GALNT13: variants seen among roughly 807,000 people sequenced by gnomAD.
GALNT13 encodes the protein UDP-GalNAc:polypeptide N-acetylgalactosaminyltransferase 13.
A neutral mutation model predicts 64.2 loss-of-function variants in GALNT13; 28 were observed. That is an observed-to-expected ratio of 0.44 (90% CI 0.32 to 0.60). The LOEUF (loss-of-function observed/expected upper bound fraction) is 0.60. Ranked by LOEUF, GALNT13 falls within the 20% of genes least tolerant of loss-of-function variation. The probability of loss-of-function intolerance (pLI) is 0.05; values close to 1 mark genes in which losing one functional copy is unlikely to be tolerated. For synonymous variants in GALNT13, 214 were observed against 224.6 expected (o/e 0.95, Z 0.42); for missense variants, 577 against 669.8 (o/e 0.86, Z 1.53).
At chr2:153,404,875 G>T in the GALNT13 span, among the ~76,000 whole-genome samples, 2 of 152,058 alleles carry the variant, frequency 1.3e-5, no homozygotes, top group African/African-American at 4.8e-5. Flanking sequence ...AAAATGAAAT[G>T]AAATATTTTA....
At chr2:154,338,484 G>A (rs1474314892) in intron 9 of GALNT13, among the ~76,000 whole-genome samples, 1 of 152,074 alleles carries the variant, frequency 6.6e-6, no homozygotes, top group Non-Finnish European at 1.5e-5. Context: ...GGCAGACATG[G>A]AAATTACTAT....
chr2:153,459,729 C>CA, the GALNT13 span, among the ~76,000 whole-genome samples: 11 of 152,164 alleles, frequency 7.2e-5, no homozygotes, highest in African/African-American at 2.7e-4. Context: ...GTAGAGATCT[C>CA]ACATTGTTTA....
At chr2:154,090,357 A>G (rs1282480071) in intron 3 of GALNT13, among the ~76,000 whole-genome samples, 2 of 152,104 alleles carry the variant, frequency 1.3e-5, no homozygotes, top group Non-Finnish European at 2.9e-5. Flanking sequence ...ATATGAATTA[A>G]TCAGCTTTTA....
intron 3 of GALNT13, among the ~76,000 whole-genome samples, chr2:154,117,595 ATT>A (rs1323042642): frequency 1.1e-4 from 17 of 152,306 alleles, no homozygotes; most frequent in African/African-American, 3.6e-4. Context: ...AATGCCGTTA[ATT>A]TGTTCCTTTT....
chr2:153,830,186 GA>G, the GALNT13 span, among the ~76,000 whole-genome samples: 34,374 of 151,934 alleles, frequency 0.23, 4,251 homozygotes, highest in Non-Finnish European at 0.27. Flanking sequence ...AAGTTTGTCA[GA>G]TGTATATTTT....
At chr2:154,271,926 A>T (rs533522696) in intron 8 of GALNT13, among the ~76,000 whole-genome samples, 1 of 152,052 alleles carries the variant, frequency 6.6e-6, no homozygotes, top group Non-Finnish European at 1.5e-5. Context: ...GGTACTCGCA[A>T]GACATCCTGA....
At chr2:153,121,376 A>G in the GALNT13 span, among the ~76,000 whole-genome samples, 4 of 151,778 alleles carry the variant, frequency 2.6e-5, no homozygotes, top group Non-Finnish European at 5.9e-5. Context: ...CTGTTAACTT[A>G]CACTCTATTT....
chr2:153,866,179 G>A, the GALNT13 span, among the ~76,000 whole-genome samples: 4 of 116,326 alleles, frequency 3.4e-5, no homozygotes, highest in Non-Finnish European at 7.0e-5. Flanking sequence ...GGGGAGGGGG[G>A]AGGGATAGCA....
chr2:153,671,617 TTGA>T, the GALNT13 span, among the ~76,000 whole-genome samples: 3 of 152,174 alleles, frequency 2.0e-5, no homozygotes, highest in African/African-American at 7.2e-5. Flanking sequence ...GTAAATACCA[TTGA>T]CACTATGAAG....
intron 4 of GALNT13, among the ~76,000 whole-genome samples, chr2:154,151,801 T>C (rs1333370881): frequency 6.6e-6 from 1 of 152,174 alleles, no homozygotes; most frequent in East Asian, 1.9e-4. Context: ...TCCTCCATCC[T>C]TTTATTTTGA....
chr2:154,166,560 A>T (rs566354861), intron 4 of GALNT13, among the ~76,000 whole-genome samples: 125 of 152,334 alleles, frequency 8.2e-4, no homozygotes, highest in African/African-American at 2.2e-3. Flanking sequence ...ATTGTGGAAG[A>T]CAGTGTGGCA....
chr2:154,285,045 A>T (rs1692182358), intron 8 of GALNT13, among the ~76,000 whole-genome samples: 1 of 152,184 alleles, frequency 6.6e-6, no homozygotes, highest in South Asian at 2.1e-4. Flanking sequence ...ATCTGTTCAG[A>T]TCACTTGCCT....
the GALNT13 span, among the ~76,000 whole-genome samples, chr2:153,600,353 C>G: frequency 6.6e-6 from 1 of 151,782 alleles, no homozygotes; most frequent in Non-Finnish European, 1.5e-5. Flanking sequence ...CCTAAGTTAG[C>G]TGAAAAATTA....
the GALNT13 span, among the ~76,000 whole-genome samples, chr2:153,203,175 T>C: frequency 6.6e-6 from 1 of 152,252 alleles, no homozygotes; most frequent in Non-Finnish European, 1.5e-5. Context: ...CAGATTATTG[T>C]AGATGGCACA....
chr2:153,521,845 C>T, the GALNT13 span, among the ~76,000 whole-genome samples: 2 of 151,968 alleles, frequency 1.3e-5, no homozygotes, highest in Admixed American at 1.3e-4. Flanking sequence ...TTTTATGGTC[C>T]TCTGTGTCTT....
chr2:153,163,217 C>A, the GALNT13 span, among the ~76,000 whole-genome samples: 1 of 152,022 alleles, frequency 6.6e-6, no homozygotes, highest in African/African-American at 2.4e-5. Flanking sequence ...AAGCCAAGTG[C>A]ATGGTGAGAC....
At chr2:153,253,593 T>C in the GALNT13 span, among the ~76,000 whole-genome samples, 8 of 150,262 alleles carry the variant, frequency 5.3e-5, no homozygotes, top group Non-Finnish European at 1.2e-4. Context: ...CAGTATGATA[T>C]TGGCTGTGGG....
At chr2:153,603,860 T>C in the GALNT13 span, among the ~76,000 whole-genome samples, 1 of 152,020 alleles carries the variant, frequency 6.6e-6, no homozygotes, top group Non-Finnish European at 1.5e-5. Flanking sequence ...TTTTAACTTC[T>C]AGGCTTATAT....
At chr2:153,216,982 G>A in the GALNT13 span, among the ~76,000 whole-genome samples, 1 of 151,924 alleles carries the variant, frequency 6.6e-6, no homozygotes, top group Non-Finnish European at 1.5e-5. Flanking sequence ...TATATATGGA[G>A]TGAAGTAGAG....
Sources: gnomAD v4.1 joint callset for allele counts (sites outside exome capture counted in the v4.1 genomes callset) on GRCh38, gnomAD v4.1.1 for gene constraint, MANE v1.5 for transcripts, NCBI Gene and HGNC (gene_info 2026-07-23, HGNC 2026-07-21) for gene names.